The following BACE2 variants were observed in gnomAD, a reference collection of about 807,000 sequenced individuals.
BACE2 encodes the protein 56 kDa aspartic-like protease.
A neutral mutation model predicts 46.2 loss-of-function variants in BACE2; 17 were observed. That is an observed-to-expected ratio of 0.37 (90% confidence interval 0.25 to 0.55). The LOEUF (loss-of-function observed/expected upper bound fraction) is 0.55, where lower values mean the gene tolerates loss of function less well. Among genes scored for constraint, BACE2 ranks in the 20% least tolerant of loss-of-function variants. The pLI, the probability that BACE2 is intolerant of heterozygous loss-of-function variation, is 0.82. For missense variants in BACE2, 595 were observed against 698.1 expected (o/e 0.85, Z 1.66); for synonymous variants, 277 against 295.9 (o/e 0.94, Z 0.66).
chr21:41,226,391 G>C, intron 2 of BACE2, 37 bp downstream of exon 2: 1 of 1,558,606 alleles, frequency 6.4e-7, no homozygotes, highest in Non-Finnish European at 8.8e-7. Flanking sequence ...GCTGGGCCGG[G>C]GCACTGCATG....
chr21:41,195,883 G>A (rs1985716204), intron 1 of BACE2, among the ~76,000 whole-genome samples: 1 of 152,214 alleles, frequency 6.6e-6, no homozygotes, highest in African/African-American at 2.4e-5. Flanking sequence ...GAAAGCAGTT[G>A]TATGGCAAGA....
At chr21:41,207,599 G>C (rs368772359) in intron 1 of BACE2, among the ~76,000 whole-genome samples, 14 of 152,174 alleles carry the variant, frequency 9.2e-5, no homozygotes, top group African/African-American at 3.4e-4. Flanking sequence ...AGCACTCCTT[G>C]TTCTCTCTCT....
intron 1 of BACE2, chr21:41,179,313 G>A (rs759185192): frequency 5.3e-6 from 7 of 1,309,658 alleles, no homozygotes; most frequent in African/African-American, 4.8e-5. Context: ...GTCAGGGTGA[G>A]TGAGAGTGTC....
chr21:41,220,211 G>GC (rs549035447), intron 1 of BACE2, among the ~76,000 whole-genome samples: 8 of 152,080 alleles, frequency 5.3e-5, no homozygotes, highest in African/African-American at 1.2e-4. Context: ...GAACTTCCGT[G>GC]CCCCCCCTGT....
At chr21:41,237,083 G>C (rs2123593845) in intron 2 of BACE2, among the ~76,000 whole-genome samples, 1 of 152,312 alleles carries the variant, frequency 6.6e-6, no homozygotes, top group South Asian at 2.1e-4. Context: ...TAGACTTTCT[G>C]TGTTTAGGAT....
At chr21:41,246,085 G>A (rs373730019) in intron 6 of BACE2, 22 bp downstream of exon 6, 169 of 1,566,464 alleles carry the variant, frequency 1.1e-4, no homozygotes, top group Middle Eastern at 1.7e-4. Flanking sequence ...GGACACTCAC[G>A]GGTCCCCGAG....
chr21:41,223,671 C>A (rs1298972198), intron 1 of BACE2, among the ~76,000 whole-genome samples: 2 of 152,202 alleles, frequency 1.3e-5, no homozygotes, highest in Non-Finnish European at 2.9e-5. Flanking sequence ...TCTGTAAAGA[C>A]CTTTTTTCCA....
At chr21:41,265,644 T>C (rs1184972110) in intron 8 of BACE2, among the ~76,000 whole-genome samples, 2 of 152,208 alleles carry the variant, frequency 1.3e-5, no homozygotes, top group Non-Finnish European at 2.9e-5. Context: ...TTGTTTTCTG[T>C]TGGATTCTTT....
At chr21:41,230,710 G>C (rs867240191) in intron 2 of BACE2, among the ~76,000 whole-genome samples, 1 of 152,146 alleles carries the variant, frequency 6.6e-6, no homozygotes, top group South Asian at 2.1e-4. Context: ...TCTTTGACAA[G>C]ATCTCTTTGA....
rs889653861 is a variant in BACE2 at position 41,252,897 on chromosome 21, A to G, written c.1134+1996A>G. ...TGGGGAAAGGATTGAAAGCTCCAGG[A>G]GAAATTCAGGCCGACAGGAGATACC... is the stretch of plus-strand genomic sequence containing the variant. On this transcript the variant is annotated intron_variant, in intron 7 of 8. Transcript: ENST00000330333. 4.7e-5 allele frequency among the ~76,000 whole-genome samples: 7 copies of G among 149,068 alleles called. No homozygotes were observed. The East Asian group carries it at 1.3e-3, about 29-fold the overall frequency.
intron 2 of BACE2, chr21:41,230,291 A>G (rs779272173): frequency 3.3e-5 from 5 of 152,174 alleles, no homozygotes; most frequent in African/African-American, 4.8e-5. Flanking sequence ...TCTTAGATTG[A>G]TATTAACTTG....
intron 8 of BACE2, among the ~76,000 whole-genome samples, chr21:41,262,017 G>C (rs1448407571): frequency 6.6e-6 from 1 of 151,978 alleles, no homozygotes; most frequent in Non-Finnish European, 1.5e-5. Context: ...CTAAAAGTAA[G>C]GACATTCTCC....
intron 1 of BACE2, among the ~76,000 whole-genome samples, chr21:41,185,446 G>A (rs139315293): frequency 3.3e-5 from 5 of 152,318 alleles, no homozygotes; most frequent in East Asian, 3.9e-4. Flanking sequence ...GTAGGTGGCT[G>A]ACTGCCAGGC....
At chr21:41,200,879 G>A (rs569046527) in intron 1 of BACE2, among the ~76,000 whole-genome samples, 80 of 152,296 alleles carry the variant, frequency 5.3e-4, no homozygotes, top group Admixed American at 1.0e-3. Flanking sequence ...ATACGTGTCC[G>A]TTGTTTAAGC....
At chr21:41,179,824 C>T (rs1985042947) in intron 1 of BACE2, 1 of 438,128 alleles carries the variant, frequency 2.3e-6, no homozygotes, top group South Asian at 2.0e-5. Flanking sequence ...GCTGCTTTCT[C>T]CAGAAATGTC....
intron 3 of BACE2, among the ~76,000 whole-genome samples, chr21:41,241,122 A>T (rs1319547092): frequency 1.3e-5 from 2 of 152,042 alleles, no homozygotes; most frequent in Admixed American, 1.3e-4. Flanking sequence ...CTGTTTACGG[A>T]CCTTCCCGCT....
intron 1 of BACE2, chr21:41,179,205 G>A (rs1256904561): frequency 1.6e-6 from 2 of 1,271,178 alleles, no homozygotes; most frequent in East Asian, 1.0e-4. Flanking sequence ...TGTCCAGGTT[G>A]AGTGAGGGTG....
intron 1 of BACE2, among the ~76,000 whole-genome samples, chr21:41,185,778 G>A (rs181279145): frequency 2.2e-4 from 33 of 152,182 alleles, no homozygotes; most frequent in African/African-American, 7.5e-4. Context: ...AAACCCTGGG[G>A]TACCCAGTGG....
At chr21:41,200,463 G>T (rs751723933) in intron 1 of BACE2, among the ~76,000 whole-genome samples, 2 of 152,104 alleles carry the variant, frequency 1.3e-5, no homozygotes, top group African/African-American at 4.8e-5. Context: ...TATGGATGTC[G>T]GATTAGGTGC....
Sources: gnomAD v4.1 joint callset for allele counts (sites outside exome capture counted in the v4.1 genomes callset) on GRCh38, gnomAD v4.1.1 for gene constraint, MANE v1.5 for transcripts, NCBI Gene and HGNC (gene_info 2026-07-23, HGNC 2026-07-21) for gene names.